BCCIP: variants seen among roughly 807,000 people sequenced by gnomAD.
BCCIP encodes BRCA2 and CDKN1A-interacting protein.
In BCCIP, 23 loss-of-function variants were observed where a neutral mutation model predicts 32.8. The ratio of observed to expected loss-of-function variants is 0.70; its 90% CI spans 0.51 to 0.99. The LOEUF (loss-of-function observed/expected upper bound fraction) is 0.99. Among genes scored for constraint, BCCIP ranks in the 50% least tolerant of loss-of-function variants. The pLI, the probability that BCCIP is intolerant of heterozygous loss-of-function variation, is 0.00. For missense variants in BCCIP, 378 were observed against 379.8 expected (o/e 1.00, Z 0.04); for synonymous variants, 144 against 137.6 (o/e 1.05, Z -0.33).
chr10:125,830,721 GA>G, intron 4 of BCCIP, 70 bp downstream of exon 4: 2 of 896,966 alleles, frequency 2.2e-6, no homozygotes, highest in Non-Finnish European at 3.6e-6. Flanking sequence ...AATGCATGGT[GA>G]AAATGTCTTT....
chr10:125,846,520 C>T (rs1321553351), downstream of BCCIP, among the ~76,000 whole-genome samples: 1 of 152,196 alleles, frequency 6.6e-6, no homozygotes, highest in Admixed American at 6.5e-5. Context: ...ACTGGCAAGG[C>T]TCTGGGGCAG....
downstream of BCCIP, chr10:125,838,302 GAGT>G: frequency 6.2e-7 from 1 of 1,613,934 alleles, no homozygotes; most frequent in Non-Finnish European, 8.5e-7. Context: ...CTTGGTGATT[GAGT>G]AACCAGACAG....
rs757203195 is a variant in BCCIP, at chr10:125,836,218, C to T, written c.889C>T (p.Pro297Ser). ...GCCCTTGCGAACTGTGATGTTAATT[C>T]CAGGCGACAAGATGAACGAAATCAT... ...MTPLRTVMLIPGDKMNEIMDK... is the reference protein window; with the variant it reads ...MTPLRTVMLISGDKMNEIMDK... The change falls in exon 7 of 7, where the codon CCA becomes TCA. Residue 297 changes from proline (P) to serine (S), a missense_variant. Transcript: ENST00000278100. 3 of 1,614,138 alleles carry T rather than the reference C, an allele frequency of 1.9e-6. No homozygotes were observed. The highest frequency in any genetic ancestry group is 4.5e-5 in the East Asian group (2 of 44,874).
At chr10:125,850,577 AC>A (rs1944078342) in intron 7 of BCCIP, among the ~76,000 whole-genome samples, 1 of 148,744 alleles carries the variant, frequency 6.7e-6, no homozygotes, top group South Asian at 2.1e-4. Flanking sequence ...CTGGTCTTGA[AC>A]TCCTGACCTG....
At chr10:125,848,567 C>G (rs1944052916) in intron 7 of BCCIP, among the ~76,000 whole-genome samples, 1 of 152,188 alleles carries the variant, frequency 6.6e-6, no homozygotes, top group Non-Finnish European at 1.5e-5. Flanking sequence ...GCCAGCACAG[C>G]TGATGCTGGA....
intron 6 of BCCIP, among the ~76,000 whole-genome samples, chr10:125,834,984 T>C (rs554642949): frequency 6.6e-6 from 1 of 150,558 alleles, no homozygotes; most frequent in Admixed American, 6.6e-5. Flanking sequence ...ATACAAAAAA[T>C]TAGCCGGGCG....
At chr10:125,845,185 ATGTTCTTATAG>A (rs1478492717), downstream of BCCIP, among the ~76,000 whole-genome samples, 1 of 152,098 alleles carries the variant, frequency 6.6e-6, no homozygotes, top group Non-Finnish European at 1.5e-5. Context: ...CATGTTTCCC[ATGTTCTTATAG>A]TGTTCTTATA....
At chr10:125,847,584 A>G (rs551741175), downstream of BCCIP, among the ~76,000 whole-genome samples, 94 of 152,254 alleles carry the variant, frequency 6.2e-4, no homozygotes, top group African/African-American at 2.2e-3. Flanking sequence ...ATGGAAGACA[A>G]TTTTTCCACA....
chr10:125,852,400 G>A, intron 7 of BCCIP: 2 of 1,614,170 alleles, frequency 1.2e-6, no homozygotes, highest in Middle Eastern at 1.6e-4. Flanking sequence ...TGGCTTCAGT[G>A]GCGTCATGTC....
chr10:125,844,669 G>A (rs753586379), downstream of BCCIP, among the ~76,000 whole-genome samples: 1 of 152,226 alleles, frequency 6.6e-6, no homozygotes, highest in Non-Finnish European at 1.5e-5. Flanking sequence ...AAGCAGAAGA[G>A]TTTATATGGG....
downstream of BCCIP, among the ~76,000 whole-genome samples, chr10:125,840,277 C>CA: frequency 6.6e-6 from 1 of 152,352 alleles, no homozygotes; most frequent in Non-Finnish European, 1.5e-5. Context: ...CACTGCCCTT[C>CA]AGGCATACAA....
Position 125,833,878 on chromosome 10 carries a change from A to G in BCCIP, c.706A>G (p.Lys236Glu). 1.9e-6 allele frequency: 3 copies of G among 1,614,272 alleles called. No homozygotes were observed. Among genetic ancestry groups the G allele is most frequent in the Middle Eastern group, 3.3e-4 (2 of 6,062 alleles). ...GGAAGCAGGAAAAAACAATTCCAAA[A>G]AGAAACCTAGCAACAAAAAGAAAGC... ...FVEAGKNNSK[K>E]KPSNKKKAAL... Residue 236 changes from lysine (K) to glutamate (E), a missense_variant, in exon 6 of 7, where the codon AAG becomes GAG. Lys to Glu is a moderately conservative substitution (Grantham distance 56). Transcript: ENST00000278100.
At chr10:125,837,254 C>T (rs747976005), downstream of BCCIP, among the ~76,000 whole-genome samples, 57 of 152,310 alleles carry the variant, frequency 3.7e-4, no homozygotes, top group Non-Finnish European at 4.9e-4. Context: ...CATCCAGCTG[C>T]GTAAGCCAGA....
In BCCIP at chr10:125,835,356, G is replaced by A. The variant is rs1484840283; in HGVS notation, c.775-748G>A. 2.6e-5 allele frequency among the ~76,000 whole-genome samples: 4 copies of A among 152,170 alleles called. No individual in the cohort carries two copies. The East Asian group carries it at 5.8e-4, about 22-fold the overall frequency. On this transcript the variant is annotated intron_variant, in intron 6 of 6. Transcript: ENST00000278100. ...AGCACTTTGGGAGGCCAAGGCGGGC[G>A]GATCACGAGGTCAGGAGATCAGACC... is the stretch of plus-strand genomic sequence containing the variant.
exon 7 of BCCIP, chr10:125,842,341 C>T (rs757119035): frequency 3.3e-5 from 6 of 181,288 alleles, no homozygotes; most frequent in Non-Finnish European, 5.6e-5. Context: ...GGCAGCACAG[C>T]CCTACTGATC....
intron 7 of BCCIP, chr10:125,852,627 T>C: frequency 1.2e-6 from 2 of 1,611,200 alleles, no homozygotes; most frequent in Non-Finnish European, 1.7e-6. Flanking sequence ...TTTGCTCTTA[T>C]TCTCGGGTTG....
chr10:125,832,204 A>AT (rs538971759), intron 5 of BCCIP, among the ~76,000 whole-genome samples: 3,010 of 144,960 alleles, frequency 0.021, 45 homozygotes, highest in South Asian at 0.034. Context: ...TCTAATTTAA[A>AT]TTTTTTTTTT....
chr10:125,849,653 T>C (rs1485708555), intron 7 of BCCIP, among the ~76,000 whole-genome samples: 2 of 152,212 alleles, frequency 1.3e-5, no homozygotes, highest in East Asian at 3.8e-4. Flanking sequence ...TGTCAGGCAC[T>C]GCGGCAGAGC....
intron 7 of BCCIP, chr10:125,852,665 A>G (rs2134045118): frequency 6.3e-7 from 1 of 1,584,216 alleles, no homozygotes; most frequent in Non-Finnish European, 8.6e-7. Context: ...AGACAGCATC[A>G]TTAGCGTCAG....
Sources: gnomAD v4.1 joint callset for allele counts (sites outside exome capture counted in the v4.1 genomes callset) on GRCh38, gnomAD v4.1.1 for gene constraint, MANE v1.5 for transcripts, NCBI Gene and HGNC (gene_info 2026-07-23, HGNC 2026-07-21) for gene names.